The following SCFD2 variants were observed in gnomAD, a reference collection of about 807,000 sequenced individuals.
SCFD2 encodes sec1 family domain containing 2, also known as sec1 family domain-containing protein 2.
Under a neutral mutation model 58.9 loss-of-function variants are expected in SCFD2, and 54 were observed. The ratio of observed to expected loss-of-function variants is 0.92; its 90% CI spans 0.74 to 1.15. The LOEUF (loss-of-function observed/expected upper bound fraction) is 1.15, where lower values mean the gene tolerates loss of function less well. SCFD2 is among the 50% of genes most tolerant of loss of function. The pLI is 0.00. For missense variants in SCFD2, 805 were observed against 836.6 expected, an observed-to-expected ratio of 0.96 and a Z score of 0.47; for synonymous variants, 321 against 335.9, an observed-to-expected ratio of 0.96 and a Z score of 0.49.
At chr4:52,968,866 A>T (rs910667554) in intron 5 of SCFD2, among the ~76,000 whole-genome samples, 1 of 152,110 alleles carries the variant, frequency 6.6e-6, no homozygotes, top group African/African-American at 2.4e-5. Context: ...TATGACAAAG[A>T]TTCTCTGCTT....
chr4:53,331,786 C>G (rs1223400198), intron 2 of SCFD2, among the ~76,000 whole-genome samples: 2 of 151,898 alleles, frequency 1.3e-5, no homozygotes. Flanking sequence ...AAAAACCCTT[C>G]AAAAAATTAA....
At chr4:52,887,779 T>C (rs1047392559) in intron 7 of SCFD2, among the ~76,000 whole-genome samples, 1 of 151,790 alleles carries the variant, frequency 6.6e-6, no homozygotes, top group African/African-American at 2.4e-5. Context: ...TCCCGAGGAG[T>C]GCCTGGGGGA....
At chr4:52,926,381 T>TAC (rs5858192) in intron 5 of SCFD2, among the ~76,000 whole-genome samples, 7,355 of 151,826 alleles carry the variant, frequency 0.048, 217 homozygotes, top group South Asian at 0.14. Context: ...AACACACAAA[T>TAC]ACACACACAG....
intron 4 of SCFD2, among the ~76,000 whole-genome samples, chr4:53,170,861 T>A (rs543002028): frequency 6.6e-6 from 1 of 152,316 alleles, no homozygotes; most frequent in East Asian, 1.9e-4. Flanking sequence ...TGCTACTCAT[T>A]TTTCTGTGTT....
intron 5 of SCFD2, among the ~76,000 whole-genome samples, chr4:53,065,145 T>G (rs997729247): frequency 6.6e-6 from 1 of 152,040 alleles, no homozygotes; most frequent in Non-Finnish European, 1.5e-5. Context: ...AGGAAAACTT[T>G]CAGCAGATCA....
chr4:52,946,629 TATTA>T (rs1720435882), intron 5 of SCFD2, among the ~76,000 whole-genome samples: 1 of 152,154 alleles, frequency 6.6e-6, no homozygotes, highest in African/African-American at 2.4e-5. Context: ...TAACCAAAAA[TATTA>T]ATTATGTTTC....
At chr4:53,252,887 T>C (rs1177555698) in intron 4 of SCFD2, among the ~76,000 whole-genome samples, 1 of 151,972 alleles carries the variant, frequency 6.6e-6, no homozygotes. Context: ...AATTGACAAA[T>C]GGGATCTCAT....
intron 7 of SCFD2, among the ~76,000 whole-genome samples, chr4:52,888,928 T>C (rs1718817243): frequency 2.0e-5 from 3 of 152,198 alleles, no homozygotes; most frequent in Admixed American, 2.0e-4. Context: ...CCTCCTGGGA[T>C]TTCTGAACTC....
chr4:53,215,591 A>T (rs1728796087), intron 4 of SCFD2, among the ~76,000 whole-genome samples: 1 of 152,146 alleles, frequency 6.6e-6, no homozygotes, highest in African/African-American at 2.4e-5. Context: ...TCATCTGCAA[A>T]CAGGGACAAT....
intron 4 of SCFD2, among the ~76,000 whole-genome samples, chr4:53,166,051 C>T (rs6554067): frequency 0.98 from 148,970 of 152,340 alleles, 72,934 homozygotes; most frequent in Middle Eastern, 1. Flanking sequence ...GTCTGGCCTA[C>T]GTTATTTAGC....
intron 5 of SCFD2, among the ~76,000 whole-genome samples, chr4:52,934,859 C>T (rs1193395173): frequency 6.6e-6 from 1 of 152,122 alleles, no homozygotes. Context: ...AAGATGACCA[C>T]GCTAGATTAA....
chr4:53,343,829 A>G (rs1273984983), intron 2 of SCFD2, among the ~76,000 whole-genome samples: 2 of 152,264 alleles, frequency 1.3e-5, no homozygotes, highest in Non-Finnish European at 2.9e-5. Flanking sequence ...AATCCAGCAT[A>G]TAAACAGAAC....
At chr4:52,880,403 GGTAGGA>G (rs894423946) in intron 8 of SCFD2, among the ~76,000 whole-genome samples, 4 of 151,762 alleles carry the variant, frequency 2.6e-5, no homozygotes, top group African/African-American at 7.3e-5. Flanking sequence ...GATCACTTGA[GGTAGGA>G]GTTCAAGACC....
At chr4:53,152,947 C>A (rs1378893028) in intron 4 of SCFD2, among the ~76,000 whole-genome samples, 1 of 152,208 alleles carries the variant, frequency 6.6e-6, no homozygotes, top group Non-Finnish European at 1.5e-5. Flanking sequence ...CCTGGGCACA[C>A]TGGTGTGAGA....
At chr4:53,292,533 T>C (rs1484911980) in intron 3 of SCFD2, among the ~76,000 whole-genome samples, 1 of 152,090 alleles carries the variant, frequency 6.6e-6, no homozygotes, top group African/African-American at 2.4e-5. Context: ...ATGGCAATTA[T>C]TAAAAAGTCA....
At chr4:52,969,878 G>A (rs1721053481) in intron 5 of SCFD2, among the ~76,000 whole-genome samples, 1 of 152,202 alleles carries the variant, frequency 6.6e-6, no homozygotes, top group Non-Finnish European at 1.5e-5. Context: ...AACATTAATA[G>A]TGTGAGGCTG....
intron 5 of SCFD2, among the ~76,000 whole-genome samples, chr4:53,123,779 C>T (rs1413028948): frequency 6.6e-6 from 1 of 152,202 alleles, no homozygotes; most frequent in Non-Finnish European, 1.5e-5. Context: ...ATCAAGGGAG[C>T]TCCAGACAGA....
At chr4:53,058,520 C>T (rs1723415552) in intron 5 of SCFD2, among the ~76,000 whole-genome samples, 1 of 152,108 alleles carries the variant, frequency 6.6e-6, no homozygotes, top group Non-Finnish European at 1.5e-5. Flanking sequence ...ACCTGGAAAG[C>T]TTTAAAAATT....
At chr4:53,056,825 A>T (rs189369457) in intron 5 of SCFD2, among the ~76,000 whole-genome samples, 147 of 152,254 alleles carry the variant, frequency 9.7e-4, no homozygotes, top group African/African-American at 3.4e-3. Flanking sequence ...AGACCAAAGG[A>T]TGAAGAAGGA....
Sources: gnomAD v4.1 joint callset for allele counts (sites outside exome capture counted in the v4.1 genomes callset) on GRCh38, gnomAD v4.1.1 for gene constraint, MANE v1.5 for transcripts, NCBI Gene and HGNC (gene_info 2026-07-23, HGNC 2026-07-21) for gene names.